The following ZBTB8OS variants were observed in gnomAD, a reference collection of about 807,000 sequenced individuals.
ZBTB8OS encodes the protein tRNA splicing ligase complex subunit 1, also known as tRNA-splicing ligase-activating factor archease.
Under a neutral mutation model 29.3 loss-of-function variants are expected in ZBTB8OS, and 16 were observed. The observed-to-expected ratio is 0.55, with a 90% CI of 0.37 to 0.83. The LOEUF is 0.83. Among genes scored for constraint, ZBTB8OS ranks in the 40% least tolerant of loss-of-function variants. The probability of loss-of-function intolerance (pLI) is 0.00; values close to 1 mark genes in which losing one functional copy is unlikely to be tolerated. For missense variants in ZBTB8OS, 160 were observed against 196.9 expected, an observed-to-expected ratio of 0.81 and a Z score of 1.12; for synonymous variants, 70 against 64.6, an observed-to-expected ratio of 1.08 and a Z score of -0.40.
intron 1 of ZBTB8OS, among the ~76,000 whole-genome samples, chr1:32,643,407 T>A (rs1474616264): frequency 6.6e-6 from 1 of 151,966 alleles, no homozygotes; most frequent in East Asian, 1.9e-4. Context: ...TTTTTTTTTC[T>A]TTAAAGAGAT....
chr1:32,636,480 GGAGATA>G lies in ZBTB8OS; in HGVS notation c.98-1694_98-1689del, dbSNP rs556547435. Among the ~76,000 whole-genome samples the G allele has an allele frequency of 7.2e-5, 11 of 152,230 alleles. No individual in the cohort carries two copies. In the South Asian group the frequency reaches 2.3e-3, roughly 32 times the overall value. On this transcript the variant is annotated intron_variant, in intron 1 of 6. Transcript: ENST00000468695. ...CCGAGGCAGGTGGATCACAAGGTCAGGAGATAGAGACCATCCTGGCCAACATGATGA... is the reference window on the plus strand; with the variant it reads ...CCGAGGCAGGTGGATCACAAGGTCAGGAGACCATCCTGGCCAACATGATGA...
intron 1 of ZBTB8OS, among the ~76,000 whole-genome samples, chr1:32,637,566 A>G (rs925479428): frequency 8.5e-5 from 11 of 129,980 alleles, no homozygotes; most frequent in Non-Finnish European, 1.3e-4. Flanking sequence ...AGACTGCCTC[A>G]AAAAAAAAAA....
chr1:32,646,051 G>A (rs918702046), intron 1 of ZBTB8OS, among the ~76,000 whole-genome samples: 1 of 152,098 alleles, frequency 6.6e-6, no homozygotes, highest in African/African-American at 2.4e-5. Context: ...TGGGTGCAGT[G>A]CCTCACGTCT....
intron 5 of ZBTB8OS, among the ~76,000 whole-genome samples, chr1:32,629,069 A>C (rs1223321258): frequency 6.6e-6 from 1 of 152,166 alleles, no homozygotes; most frequent in Non-Finnish European, 1.5e-5. Flanking sequence ...TATTGTTTCA[A>C]AACAGAGTAG....
At chr1:32,622,660 A>G (rs893854833) in intron 6 of ZBTB8OS, among the ~76,000 whole-genome samples, 3 of 152,014 alleles carry the variant, frequency 2.0e-5, no homozygotes, top group Non-Finnish European at 4.4e-5. Context: ...CTAAACCCCC[A>G]CAACATGCAA....
chr1:32,636,995 T>G (rs1056632785), intron 1 of ZBTB8OS, among the ~76,000 whole-genome samples: 8 of 152,090 alleles, frequency 5.3e-5, no homozygotes, highest in Non-Finnish European at 1.2e-4. Context: ...TTCCAGCCTC[T>G]GTGGGAGGAA....
chr1:32,641,133 C>T (rs1338255506), intron 1 of ZBTB8OS, among the ~76,000 whole-genome samples: 1 of 151,928 alleles, frequency 6.6e-6, no homozygotes, highest in Non-Finnish European at 1.5e-5. Context: ...GATCGTGCCA[C>T]TGCTCTCCAG....
chr1:32,646,972 G>A (rs1488996967), intron 1 of ZBTB8OS, among the ~76,000 whole-genome samples: 2 of 142,318 alleles, frequency 1.4e-5, no homozygotes, highest in African/African-American at 5.2e-5. Context: ...AACCCAGGAG[G>A]CGGAGGTTGC....
intron 6 of ZBTB8OS, among the ~76,000 whole-genome samples, chr1:32,624,026 T>G (rs1374670502): frequency 6.6e-6 from 1 of 152,114 alleles, no homozygotes; most frequent in African/African-American, 2.4e-5. Flanking sequence ...GGCTTCCCCC[T>G]TCGCTCAGCA....
intron 1 of ZBTB8OS, among the ~76,000 whole-genome samples, chr1:32,648,711 T>G (rs571669977): frequency 7.2e-5 from 11 of 152,156 alleles, no homozygotes. Flanking sequence ...CAGGCTGGAG[T>G]GCAGTGGTGC....
At chr1:32,644,897 G>A (rs988101522) in intron 1 of ZBTB8OS, among the ~76,000 whole-genome samples, 1 of 151,724 alleles carries the variant, frequency 6.6e-6, no homozygotes, top group African/African-American at 2.4e-5. Context: ...TAATAAAAAG[G>A]CAGCCAGACA....
intron 6 of ZBTB8OS, among the ~76,000 whole-genome samples, chr1:32,623,974 G>T (rs1644923132): frequency 6.6e-6 from 1 of 152,158 alleles, no homozygotes; most frequent in South Asian, 2.1e-4. Context: ...CTGTTCTAGT[G>T]ATAGTGCGTG....
At position 32,621,508 on chromosome 1, in the gene ZBTB8OS, G is replaced by C. The variant is rs1345553972; in HGVS notation, c.*354C>G. ...TTCAAGTTATTCTTCTTTCAACCTGGATTCAGCCTCAGGCTGCTGCTGACA... is the reference window on the plus strand; with the variant it reads ...TTCAAGTTATTCTTCTTTCAACCTGCATTCAGCCTCAGGCTGCTGCTGACA... On this transcript the variant is annotated 3_prime_UTR_variant, in exon 7 of 7. Transcript: ENST00000468695. The C allele has an allele frequency of 9.9e-6, 2 of 201,166 alleles. No homozygotes were observed. Among genetic ancestry groups the C allele is most frequent in the Non-Finnish European group, 2.0e-5 (2 of 101,668 alleles). 12.5% of individuals were successfully genotyped at this position (201,166 alleles called of 1,614,324 possible). A position where few individuals can be genotyped will look rare whatever the true frequency, so the allele number is the denominator to read the frequency against.
Position 32,620,827 on chromosome 1 carries a change from A to G in ZBTB8OS, c.*1035T>C, listed in dbSNP as rs1255527796. 1 of 152,182 alleles carries G rather than the reference A, an allele frequency of 6.6e-6. No individual in the cohort carries two copies. The highest frequency in any genetic ancestry group is 1.5e-5 in the Non-Finnish European group (1 of 68,032). 9.4% of individuals were successfully genotyped at this position (152,182 alleles called of 1,614,324 possible). On this transcript the variant is annotated 3_prime_UTR_variant, in exon 7 of 7. Transcript: ENST00000468695. ...AAAACAACAATAAAGAAATTTTTCAAAAATTCTCCTTTTATTCTCTAGTTA... is the reference window on the plus strand; with the variant it reads ...AAAACAACAATAAAGAAATTTTTCAGAAATTCTCCTTTTATTCTCTAGTTA...
At chr1:32,635,592 T>C (rs1341586720) in intron 1 of ZBTB8OS, among the ~76,000 whole-genome samples, 2 of 152,048 alleles carry the variant, frequency 1.3e-5, no homozygotes, top group African/African-American at 4.8e-5. Context: ...ATGACTTTCA[T>C]CAATTCTTCC....
At chr1:32,635,168 T>C (rs957790892) in intron 1 of ZBTB8OS, among the ~76,000 whole-genome samples, 1 of 152,100 alleles carries the variant, frequency 6.6e-6, no homozygotes, top group Non-Finnish European at 1.5e-5. Flanking sequence ...CCACAATATA[T>C]GAGCTTTTTC....
At chr1:32,646,173 GCTGGGTATGA>G (rs1327490355) in intron 1 of ZBTB8OS, among the ~76,000 whole-genome samples, 1 of 151,888 alleles carries the variant, frequency 6.6e-6, no homozygotes, top group East Asian at 1.9e-4. Flanking sequence ...TGAAAAATTA[GCTGGGTATGA>G]TGGTGCACGC....
intron 2 of ZBTB8OS, 103 bp downstream of exon 2, chr1:32,634,665 A>C (rs761631226): frequency 1.0e-4 from 152 of 1,461,202 alleles, no homozygotes; most frequent in Non-Finnish European, 1.4e-4. Context: ...TTGTGAAGGA[A>C]CCAAAATGAG....
At chr1:32,626,197 C>CT (rs913428313) in intron 6 of ZBTB8OS, among the ~76,000 whole-genome samples, 3 of 151,960 alleles carry the variant, frequency 2.0e-5, no homozygotes, top group African/African-American at 4.8e-5. Flanking sequence ...TTTACTATAC[C>CT]TTTTTTTGGT....
Sources: allele counts gnomAD v4.1 joint callset (sites outside exome capture counted in the v4.1 genomes callset), GRCh38; gene constraint gnomAD v4.1.1; transcripts MANE v1.5; gene names NCBI Gene and HGNC (gene_info 2026-07-23, HGNC 2026-07-21).